Variants in RIT2 observed in about 807,000 individuals in gnomAD.
The protein encoded by RIT2 is GTP-binding protein Rit2.
A neutral mutation model predicts 23.7 loss-of-function variants in RIT2; 24 were observed. The observed-to-expected ratio is 1.01, with a 90% CI of 0.73 to 1.43. RIT2 has a LOEUF of 1.43. RIT2 is among the 40% of genes most tolerant of loss of function. The pLI, the probability that RIT2 is intolerant of heterozygous loss-of-function variation, is 0.00. For missense variants in RIT2, 236 were observed against 266.9 expected, an observed-to-expected ratio of 0.88 and a Z score of 0.81; for synonymous variants, 107 against 91.1, an observed-to-expected ratio of 1.17 and a Z score of -0.99.
chr18:43,034,019 T>G (rs1387267319), intron 1 of RIT2, 152 bp from the exon 2 acceptor site: 7 of 571,466 alleles, frequency 1.2e-5, no homozygotes, highest in Non-Finnish European at 2.2e-5. Flanking sequence ...ATGAAAACAA[T>G]AAGACGAAGT....
chr18:42,847,266 A>T (rs962130852), intron 4 of RIT2, among the ~76,000 whole-genome samples: 1 of 152,168 alleles, frequency 6.6e-6, no homozygotes. Context: ...GACTACAGGA[A>T]ATAAAGAACT....
At chr18:42,862,407 G>A (rs533236576) in intron 4 of RIT2, among the ~76,000 whole-genome samples, 4 of 152,152 alleles carry the variant, frequency 2.6e-5, no homozygotes, top group East Asian at 3.9e-4. Flanking sequence ...ACTCACTCTC[G>A]GGTAGTTCTT....
At chr18:43,112,648 A>G (rs1455262873) in intron 1 of RIT2, among the ~76,000 whole-genome samples, 1 of 152,204 alleles carries the variant, frequency 6.6e-6, no homozygotes, top group Non-Finnish European at 1.5e-5. Context: ...TCATGCCTAT[A>G]ATCCCAGCAC....
At chr18:43,082,629 A>C (rs563036564) in intron 1 of RIT2, among the ~76,000 whole-genome samples, 2 of 152,234 alleles carry the variant, frequency 1.3e-5, no homozygotes, top group African/African-American at 4.8e-5. Flanking sequence ...GACAAAAGCC[A>C]CCTGATTATT....
intron 1 of RIT2, among the ~76,000 whole-genome samples, chr18:43,107,051 T>C (rs1389452772): frequency 6.6e-6 from 1 of 152,186 alleles, no homozygotes; most frequent in Non-Finnish European, 1.5e-5. Context: ...TGTCAATGTG[T>C]ACAGTCGCAA....
At chr18:42,787,733 T>C (rs1337128426) in intron 4 of RIT2, among the ~76,000 whole-genome samples, 1 of 152,124 alleles carries the variant, frequency 6.6e-6, no homozygotes, top group East Asian at 1.9e-4. Flanking sequence ...ATCTGAATAC[T>C]CAGTAGAAAC....
intron 2 of RIT2, among the ~76,000 whole-genome samples, chr18:42,997,775 C>T (rs942996260): frequency 2.0e-5 from 3 of 152,046 alleles, no homozygotes; most frequent in African/African-American, 7.2e-5. Flanking sequence ...ACTATTTTAC[C>T]ATCTCAAGGT....
chr18:43,097,671 C>T (rs1913586736), intron 1 of RIT2, among the ~76,000 whole-genome samples: 1 of 151,888 alleles, frequency 6.6e-6, no homozygotes, highest in African/African-American at 2.4e-5. Context: ...TTACTTGAGG[C>T]TGATTCTAGA....
intron 4 of RIT2, among the ~76,000 whole-genome samples, chr18:42,867,057 C>T (rs948428647): frequency 3.9e-5 from 6 of 152,164 alleles, no homozygotes; most frequent in African/African-American, 1.4e-4. Flanking sequence ...GTGAACTATT[C>T]TTTACTGTTC....
chr18:42,778,355 CT>C (rs948115925), intron 4 of RIT2, among the ~76,000 whole-genome samples: 1 of 152,166 alleles, frequency 6.6e-6, no homozygotes, highest in African/African-American at 2.4e-5. Flanking sequence ...GGAAATCTTA[CT>C]GTCATCATTT....
chr18:42,947,451 G>C (rs553261769), intron 3 of RIT2, among the ~76,000 whole-genome samples: 2 of 152,194 alleles, frequency 1.3e-5, no homozygotes, highest in South Asian at 4.1e-4. Flanking sequence ...ATGGAATTGA[G>C]TTCCTTCAGT....
At chr18:42,832,881 C>T (rs552989285) in intron 4 of RIT2, among the ~76,000 whole-genome samples, 23 of 151,682 alleles carry the variant, frequency 1.5e-4, no homozygotes, top group Admixed American at 3.3e-4. Flanking sequence ...GGCGAAACCC[C>T]GTCTCTATTA....
intron 1 of RIT2, among the ~76,000 whole-genome samples, chr18:43,067,606 A>G (rs1054908603): frequency 1.3e-5 from 2 of 152,322 alleles, no homozygotes; most frequent in Admixed American, 1.3e-4. Flanking sequence ...AAGAGTTATT[A>G]TCAATAGAAA....
At chr18:43,098,068 G>A (rs780003251) in intron 1 of RIT2, among the ~76,000 whole-genome samples, 9 of 151,822 alleles carry the variant, frequency 5.9e-5, no homozygotes, top group Non-Finnish European at 8.8e-5. Context: ...ATGGGGAGCA[G>A]CTCAAAGAGA....
At chr18:42,995,526 T>C (rs1203559345) in intron 2 of RIT2, among the ~76,000 whole-genome samples, 2 of 152,206 alleles carry the variant, frequency 1.3e-5, no homozygotes, top group East Asian at 3.9e-4. Flanking sequence ...GACCGGCCTT[T>C]ATTAGTCAAA....
At chr18:42,765,871 A>G (rs990017289) in intron 4 of RIT2, among the ~76,000 whole-genome samples, 1 of 151,922 alleles carries the variant, frequency 6.6e-6, no homozygotes, top group Non-Finnish European at 1.5e-5. Flanking sequence ...TTCCCGTGCT[A>G]TTCTTGTGAT....
At chr18:43,011,652 T>C (rs1446536988) in intron 2 of RIT2, among the ~76,000 whole-genome samples, 1 of 151,806 alleles carries the variant, frequency 6.6e-6, no homozygotes, top group East Asian at 1.9e-4. Flanking sequence ...GAACTCTATA[T>C]TAAACTTCAC....
intron 2 of RIT2, among the ~76,000 whole-genome samples, chr18:42,991,619 G>C (rs1910850671): frequency 6.9e-6 from 1 of 143,966 alleles, no homozygotes; most frequent in African/African-American, 2.5e-5. Flanking sequence ...AAAATGGCCT[G>C]TTCCTGCCTT....
intron 1 of RIT2, among the ~76,000 whole-genome samples, chr18:43,112,778 T>C (rs1051007848): frequency 2.6e-5 from 4 of 152,014 alleles, no homozygotes; most frequent in African/African-American, 9.7e-5. Context: ...TTAATATACA[T>C]AAAAAATCTC....
Sources: allele counts gnomAD v4.1 joint callset (sites outside exome capture counted in the v4.1 genomes callset), GRCh38; gene constraint gnomAD v4.1.1; transcripts MANE v1.5; gene names NCBI Gene and HGNC (gene_info 2026-07-23, HGNC 2026-07-21).